Variants in SNX16 observed in about 807,000 individuals in gnomAD.
The protein encoded by SNX16 is sorting nexin-16.
In SNX16, 35 loss-of-function variants were observed where a neutral mutation model predicts 36.7. That is an observed-to-expected ratio of 0.95 (90% CI 0.73 to 1.27). SNX16 has a LOEUF of 1.27. SNX16 is among the 50% of genes most tolerant of loss of function. The pLI is 0.00. For missense variants in SNX16, 367 were observed against 393.6 expected (o/e 0.93, Z 0.57); for synonymous variants, 134 against 132.0 (o/e 1.02, Z -0.10).
intron 2 of SNX16, among the ~76,000 whole-genome samples, chr8:81,832,362 T>C (rs565186157): frequency 6.6e-6 from 1 of 152,008 alleles, no homozygotes; most frequent in African/African-American, 2.4e-5. Context: ...GAGGTAAACA[T>C]TGGGAACTCA....
chr8:81,802,586 C>G, intron 6 of SNX16, 87 bp from the exon 7 acceptor site: 1 of 1,170,186 alleles, frequency 8.5e-7, no homozygotes, highest in Non-Finnish European at 1.2e-6. Context: ...CTATAGCAGT[C>G]TTTAGCTGTT....
At chr8:81,816,181 C>CTTTTTTTTT (rs777491714) in intron 4 of SNX16, among the ~76,000 whole-genome samples, 1 of 137,832 alleles carries the variant, frequency 7.3e-6, no homozygotes, top group Non-Finnish European at 1.6e-5. Context: ...AAAGGATTTT[C>CTTTTTTTTT]TTTTTTTTTT....
At chr8:81,837,299 T>C (rs1811532896) in intron 2 of SNX16, among the ~76,000 whole-genome samples, 1 of 152,214 alleles carries the variant, frequency 6.6e-6, no homozygotes, top group Non-Finnish European at 1.5e-5. Flanking sequence ...ATATGACTAA[T>C]TTCATATCTG....
chr8:81,840,942 A>C (rs951090942), intron 1 of SNX16, among the ~76,000 whole-genome samples: 1 of 142,026 alleles, frequency 7.0e-6, no homozygotes, highest in African/African-American at 2.5e-5. Context: ...CAACAAAATG[A>C]CAAGACTACA....
At chr8:81,831,580 C>A (rs1048928458) in intron 2 of SNX16, among the ~76,000 whole-genome samples, 2 of 151,608 alleles carry the variant, frequency 1.3e-5, no homozygotes, top group Non-Finnish European at 1.5e-5. Flanking sequence ...TGCCTGTAAT[C>A]CCAGCTACTC....
rs138639081 is a variant in SNX16, at chr8:81,803,516, T to C, written c.682-288A>G. Among the ~76,000 whole-genome samples, 24 of 152,068 alleles carry C rather than the reference T, an allele frequency of 1.6e-4. No individual in the cohort carries two copies. In the East Asian group the frequency reaches 4.4e-3, roughly 28 times the overall value. Reference sequence around the variant, plus strand: ...GTGAGTATGTGATATCCCTCTAGTGTAGAACTGGGATAAAAAATAATTGGC... The same window carrying C: ...GTGAGTATGTGATATCCCTCTAGTGCAGAACTGGGATAAAAAATAATTGGC... On this transcript the variant is annotated intron_variant, in intron 5 of 7. Coordinates refer to ENST00000345957, the MANE Select transcript of SNX16 (RefSeq NM_152836.3).
intron 5 of SNX16, chr8:81,807,801 C>A: frequency 1.4e-6 from 1 of 740,252 alleles, no homozygotes; most frequent in Admixed American, 1.8e-5. Context: ...CTAAAGAGCC[C>A]AAACAGCTGA....
intron 5 of SNX16, chr8:81,807,724 G>T: frequency 1.6e-6 from 1 of 609,224 alleles, no homozygotes. Context: ...TTCTGCCCGT[G>T]GATGCCGCCG....
intron 2 of SNX16, among the ~76,000 whole-genome samples, chr8:81,833,025 T>C (rs1299897474): frequency 1.3e-5 from 2 of 151,868 alleles, no homozygotes; most frequent in Non-Finnish European, 1.5e-5. Flanking sequence ...GTGTGCAACA[T>C]ATACACTGAA....
intron 2 of SNX16, among the ~76,000 whole-genome samples, chr8:81,837,832 AAGAG>A (rs776151675): frequency 1.3e-5 from 2 of 152,110 alleles, no homozygotes; most frequent in African/African-American, 2.4e-5. Flanking sequence ...ATTTTCTAAA[AAGAG>A]AGAGAGAGAC....
intron 2 of SNX16, among the ~76,000 whole-genome samples, chr8:81,837,382 C>A (rs1198379645): frequency 3.9e-5 from 6 of 152,198 alleles, no homozygotes; most frequent in African/African-American, 1.4e-4. Flanking sequence ...CAAATACTTG[C>A]ATCTTCACAC....
In SNX16 at chr8:81,837,424, A is replaced by T. The variant is rs184875332; in HGVS notation, c.375+2188T>A. 7.2e-5 allele frequency among the ~76,000 whole-genome samples: 11 copies of T among 152,340 alleles called. No individual in the cohort carries two copies. In the East Asian group the frequency reaches 2.1e-3, roughly 29 times the overall value. The stretch of plus-strand genomic sequence containing the variant: ...TCTGTCTTAGTCTGTTAGGTCTGTT[A>T]TAACAAAATACCATAAATTTGGTAG... On this transcript the variant is annotated intron_variant, in intron 2 of 7. Coordinates refer to ENST00000345957, the MANE Select transcript of SNX16 (RefSeq NM_152836.3).
At chr8:81,811,618 C>T (rs1186217177) in intron 5 of SNX16, among the ~76,000 whole-genome samples, 3 of 152,064 alleles carry the variant, frequency 2.0e-5, no homozygotes, top group South Asian at 2.1e-4. Context: ...CCACACATTG[C>T]TGAGGAGACA....
chr8:81,805,930 GAAA>G (rs1012018095), intron 5 of SNX16, among the ~76,000 whole-genome samples: 1 of 147,878 alleles, frequency 6.8e-6, no homozygotes, highest in Non-Finnish European at 1.5e-5. Flanking sequence ...TCAAAAAAAA[GAAA>G]AAAAAATGTA....
At position 81,802,434 on chromosome 8, in the gene SNX16, T is replaced by G. The variant is rs1563427414; in HGVS notation, c.884A>C (p.Lys295Thr). Residue 295 changes from lysine (K) to threonine (T), a missense_variant, in exon 7 of 8, where the codon AAG becomes ACG. By Grantham distance (78) the Lys-to-Thr change is moderately conservative (BLOSUM62 -1). Transcript: ENST00000345957. ...AACCTCAAGTGCAGAGGACTCCACC[T>G]TTAGGATCTGTTCACCTTCTGTTTC... The part of the protein sequence containing the change: ...VSETEGEQIL[K>T]VESSALEVDQ... The G allele has an allele frequency of 1.2e-6, 2 of 1,610,794 alleles. No individual in the cohort carries two copies. Among genetic ancestry groups the G allele is most frequent in the Non-Finnish European group, 1.7e-6 (2 of 1,177,778 alleles).
At chr8:81,822,973 T>C (rs1159548379) in intron 4 of SNX16, among the ~76,000 whole-genome samples, 5 of 147,070 alleles carry the variant, frequency 3.4e-5, no homozygotes, top group Non-Finnish European at 7.5e-5. Context: ...TATATATATA[T>C]ATACACATAT....
chr8:81,828,982 GC>G (rs1811129034), intron 3 of SNX16, among the ~76,000 whole-genome samples: 1 of 152,104 alleles, frequency 6.6e-6, no homozygotes, highest in Non-Finnish European at 1.5e-5. Flanking sequence ...TAAGTGCCCA[GC>G]CCAGCTAACA....
intron 1 of SNX16, 28 bp from the exon 2 acceptor site, chr8:81,840,110 G>T: frequency 8.7e-7 from 1 of 1,154,688 alleles, no homozygotes; most frequent in Non-Finnish European, 1.2e-6. Flanking sequence ...ATATTAAAAG[G>T]TTAGTCTTTA....
intron 5 of SNX16, among the ~76,000 whole-genome samples, chr8:81,810,752 G>C (rs535652345): frequency 1.3e-5 from 2 of 152,130 alleles, no homozygotes; most frequent in Non-Finnish European, 2.9e-5. Context: ...CTTGTCATGA[G>C]TGGGTATGCT....
Sources: allele counts gnomAD v4.1 joint callset (sites outside exome capture counted in the v4.1 genomes callset), GRCh38; gene constraint gnomAD v4.1.1; transcripts MANE v1.5; gene names NCBI Gene and HGNC (gene_info 2026-07-23, HGNC 2026-07-21).